The following ARK2N variants were observed in gnomAD, a reference collection of about 807,000 sequenced individuals.
The protein encoded by ARK2N is protein ARK2N.
At chr18:46,216,657 C>T in the ARK2N span, 1 of 1,387,368 alleles carries the variant, frequency 7.2e-7, no homozygotes, top group South Asian at 1.4e-5. This position sits in a 1 kb window ranked among gnomAD's most constrained non-coding sequence, Gnocchi z 4.3. Context: ...CTATCAGGTT[C>T]AGTTAGATGA....
At chr18:46,205,450 A>G in the ARK2N span, among the ~76,000 whole-genome samples, 1 of 152,328 alleles carries the variant, frequency 6.6e-6, no homozygotes, top group South Asian at 2.1e-4. Context: ...GAAGTTGTTA[A>G]CAATCAAAAA....
chr18:46,222,475 G>C, the ARK2N span, among the ~76,000 whole-genome samples: 1 of 152,314 alleles, frequency 6.6e-6, no homozygotes, highest in South Asian at 2.1e-4. Flanking sequence ...AGGTCTAGAT[G>C]ATGTTAATTA....
the ARK2N span, among the ~76,000 whole-genome samples, chr18:46,195,030 G>T: frequency 6.6e-6 from 1 of 151,152 alleles, no homozygotes; most frequent in African/African-American, 2.4e-5. Flanking sequence ...TCGAACTCCT[G>T]GCCTCAAGTG....
the ARK2N span, among the ~76,000 whole-genome samples, chr18:46,237,019 C>T: frequency 2.4e-4 from 37 of 151,950 alleles, no homozygotes; most frequent in Non-Finnish European, 5.1e-4. Flanking sequence ...CGCACCACCA[C>T]ACCCGGCTAA....
the ARK2N span, among the ~76,000 whole-genome samples, chr18:46,250,820 C>G: frequency 3.3e-5 from 5 of 152,190 alleles, no homozygotes; most frequent in African/African-American, 1.2e-4. Context: ...ACTGTTACCC[C>G]CAAATCTCAC....
the ARK2N span, among the ~76,000 whole-genome samples, chr18:46,225,076 A>G: frequency 1.3e-5 from 2 of 152,220 alleles, no homozygotes; most frequent in Admixed American, 6.5e-5. Context: ...GCAGACAGAG[A>G]AGTTCCACGT....
the ARK2N span, among the ~76,000 whole-genome samples, chr18:46,201,363 C>T: frequency 1.3e-5 from 2 of 151,946 alleles, no homozygotes; most frequent in African/African-American, 2.4e-5. Context: ...TGATTCCTTG[C>T]GGGTTTGAAT....
At chr18:46,204,622 G>A in the ARK2N span, among the ~76,000 whole-genome samples, 1 of 152,300 alleles carries the variant, frequency 6.6e-6, no homozygotes, top group East Asian at 1.9e-4. Flanking sequence ...TGAGGCATTA[G>A]CTGCTTGTGT....
At chr18:46,221,197 A>G in the ARK2N span, among the ~76,000 whole-genome samples, 1 of 151,994 alleles carries the variant, frequency 6.6e-6, no homozygotes, top group Non-Finnish European at 1.5e-5. Context: ...GTGTTCATGC[A>G]TTGTATTCTT....
the ARK2N span, among the ~76,000 whole-genome samples, chr18:46,249,491 C>T: frequency 1.3e-5 from 2 of 151,698 alleles, no homozygotes; most frequent in Non-Finnish European, 2.9e-5. Flanking sequence ...CTCGGCCTCC[C>T]AAAGTGCTGG....
the ARK2N span, among the ~76,000 whole-genome samples, chr18:46,236,838 TTTGTTG>T: frequency 4.7e-5 from 7 of 150,196 alleles, no homozygotes; most frequent in Non-Finnish European, 7.4e-5. Flanking sequence ...CTGTTTTTTT[TTTGTTG>T]TTGTTGTTGT....
chr18:46,230,805 G>T, the ARK2N span, among the ~76,000 whole-genome samples: 1 of 152,192 alleles, frequency 6.6e-6, no homozygotes, highest in African/African-American at 2.4e-5. Context: ...AACTACCACA[G>T]TTATAATTTT....
At chr18:46,192,876 A>ACC in the ARK2N span, among the ~76,000 whole-genome samples, 1 of 145,054 alleles carries the variant, frequency 6.9e-6, no homozygotes, top group Admixed American at 6.9e-5. Flanking sequence ...CCCGGCTGAG[A>ACC]CTGTCTCAAA....
At chr18:46,204,929 C>CTTTTTTTTTTTTTTT in the ARK2N span, among the ~76,000 whole-genome samples, 1 of 145,612 alleles carries the variant, frequency 6.9e-6, no homozygotes, top group African/African-American at 2.6e-5. Flanking sequence ...TTTCTTTTTT[C>CTTTTTTTTTTTTTTT]TTTTTTTTTT....
chr18:46,180,332 C>G, the ARK2N span, among the ~76,000 whole-genome samples: 1 of 152,190 alleles, frequency 6.6e-6, no homozygotes, highest in Admixed American at 6.5e-5. Flanking sequence ...GGACTTAATG[C>G]ATATGTGGTA....
At chr18:46,175,139 G>T in the ARK2N span, among the ~76,000 whole-genome samples, 2 of 121,112 alleles carry the variant, frequency 1.7e-5, no homozygotes, top group African/African-American at 6.8e-5. Flanking sequence ...CCCGTCCCCG[G>T]CAGCCCCCAT....
the ARK2N span, among the ~76,000 whole-genome samples, chr18:46,194,275 C>A: frequency 6.6e-6 from 1 of 151,118 alleles, no homozygotes; most frequent in Non-Finnish European, 1.5e-5. Flanking sequence ...TGATTTTTCC[C>A]ATGTCTTTCC....
chr18:46,247,251 T>A, the ARK2N span, among the ~76,000 whole-genome samples: 2 of 152,120 alleles, frequency 1.3e-5, no homozygotes, highest in Non-Finnish European at 2.9e-5. Flanking sequence ...AATAAAGTGA[T>A]GACATTTCTA....
the ARK2N span, chr18:46,240,007 G>A: frequency 1.7e-4 from 267 of 1,613,580 alleles, no homozygotes; most frequent in Non-Finnish European, 2.1e-4. Context: ...CTCCCTAGAT[G>A]GACCTCCAGT....
Sources: gnomAD v4.1 joint callset for allele counts (sites outside exome capture counted in the v4.1 genomes callset) on GRCh38, gnomAD v4.1.1 for gene constraint, Gnocchi (gnomAD v3.1) non-coding constraint, MANE v1.5 for transcripts, NCBI Gene and HGNC (gene_info 2026-07-23, HGNC 2026-07-21) for gene names.